Variants in PODXL2 observed in about 807,000 individuals in gnomAD.
PODXL2 encodes podocalyxin-like protein 2.
A neutral mutation model predicts 53.4 loss-of-function variants in PODXL2; 17 were observed. That is an observed-to-expected ratio of 0.32 (90% CI 0.22 to 0.48). The LOEUF is 0.48. Among genes scored for constraint, PODXL2 ranks in the 20% least tolerant of loss-of-function variants. The pLI is 0.99. For synonymous variants in PODXL2, 311 were observed against 306.7 expected, an observed-to-expected ratio of 1.01 and a Z score of -0.15; for missense variants, 673 against 760.0, an observed-to-expected ratio of 0.89 and a Z score of 1.35.
intron 6 of PODXL2, among the ~76,000 whole-genome samples, chr3:127,669,900 ACTT>A (rs1385192956): frequency 4.0e-5 from 6 of 151,792 alleles, no homozygotes; most frequent in Non-Finnish European, 1.5e-5. Context: ...TCCTCATCTC[ACTT>A]CTTGAGGACA....
intron 7 of PODXL2, 104 bp from the exon 8 acceptor site, chr3:127,672,164 G>T (rs951507180): frequency 3.8e-6 from 3 of 792,018 alleles, no homozygotes; most frequent in African/African-American, 3.5e-5. Flanking sequence ...ACCTGTGGAG[G>T]GTGCCGCGGG....
At chr3:127,644,125 G>A (rs2074638233) in intron 2 of PODXL2, among the ~76,000 whole-genome samples, 1 of 151,766 alleles carries the variant, frequency 6.6e-6, no homozygotes, top group Non-Finnish European at 1.5e-5. Context: ...TGCTGTTGTT[G>A]TTTTGAGATG....
At chr3:127,639,755 G>A (rs551166039) in intron 2 of PODXL2, among the ~76,000 whole-genome samples, 3 of 152,292 alleles carry the variant, frequency 2.0e-5, no homozygotes, top group African/African-American at 7.2e-5. Context: ...CCTTTATTCT[G>A]TGCTCATTTA....
In PODXL2 at chr3:127,668,325, CCT is replaced by C. The variant is rs554880369; in HGVS notation, c.1207-111_1207-110del. 5.6e-4 allele frequency: 525 copies of C among 939,702 alleles called. 3 individuals carry two copies. The African/African-American group carries it at 8.4e-3, about 15-fold the overall frequency. The allele number at this position is 939,702 out of a possible 1,614,324, so 58.2% of individuals were successfully genotyped here. Reference sequence around the variant, plus strand: ...GGGTCTCCAGAGTTGACCAGAGCTGCCTCTCTTGGAACAGCCAGAGGGTTGAG... The same window carrying C: ...GGGTCTCCAGAGTTGACCAGAGCTGCCTCTTGGAACAGCCAGAGGGTTGAG... On this transcript the variant is annotated intron_variant, in intron 4 of 7. Coordinates refer to ENST00000342480, the MANE Select transcript of PODXL2 (RefSeq NM_015720.4).
intron 1 of PODXL2, among the ~76,000 whole-genome samples, chr3:127,630,082 T>C (rs770243023): frequency 1.1e-4 from 17 of 152,040 alleles, no homozygotes; most frequent in Non-Finnish European, 2.4e-4. Flanking sequence ...ACGGGCCTCC[T>C]GATGGCTTCC....
intron 1 of PODXL2, among the ~76,000 whole-genome samples, chr3:127,634,112 T>G (rs2074563547): frequency 6.6e-6 from 1 of 151,904 alleles, no homozygotes. Flanking sequence ...GATAGAATGA[T>G]AGAACCAGAT....
chr3:127,648,458 T>C (rs749390084), intron 2 of PODXL2, among the ~76,000 whole-genome samples: 4 of 152,228 alleles, frequency 2.6e-5, no homozygotes, highest in Non-Finnish European at 5.9e-5. Context: ...AGAGCACTTT[T>C]ACTTAGACAC....
At chr3:127,632,901 G>A (rs2074555653) in intron 1 of PODXL2, among the ~76,000 whole-genome samples, 1 of 152,176 alleles carries the variant, frequency 6.6e-6, no homozygotes, top group African/African-American at 2.4e-5. Flanking sequence ...TCTAATAAGA[G>A]CACAGCCCAC....
intron 4 of PODXL2, among the ~76,000 whole-genome samples, chr3:127,667,660 T>A (rs1040974150): frequency 6.6e-6 from 1 of 152,204 alleles, no homozygotes; most frequent in Non-Finnish European, 1.5e-5. Context: ...CAGGCTCTTA[T>A]TTTTGTTTTA....
intron 1 of PODXL2, among the ~76,000 whole-genome samples, chr3:127,635,017 T>C (rs547552963): frequency 9.9e-5 from 15 of 152,270 alleles, no homozygotes; most frequent in Non-Finnish European, 1.6e-4. Context: ...TCTATGTTTC[T>C]GTATCGTCTC....
chr3:127,672,766 C>G lies in PODXL2; in HGVS notation c.*286C>G. 1 of 379,254 alleles carries G rather than the reference C, an allele frequency of 2.6e-6. No individual in the cohort carries two copies. Among genetic ancestry groups the G allele is most frequent in the East Asian group, 4.4e-5 (1 of 22,700 alleles). 23.5% of individuals were successfully genotyped at this position (379,254 alleles called of 1,614,324 possible). A position where few individuals can be genotyped will look rare whatever the true frequency, so the allele number is the denominator to read the frequency against. On this transcript the variant is annotated 3_prime_UTR_variant, in exon 8 of 8. Coordinates refer to ENST00000342480, the MANE Select transcript of PODXL2 (RefSeq NM_015720.4). ...GCGGCGCTTCCTGCGCCCCGGGACT[C>G]AATTAAACCCGCCCGGAGACCACGC...
chr3:127,654,346 G>A (rs190673906), intron 2 of PODXL2, among the ~76,000 whole-genome samples: 2 of 152,248 alleles, frequency 1.3e-5, no homozygotes, highest in African/African-American at 4.8e-5. Flanking sequence ...GAATCGTACC[G>A]TGGTTCTGCT....
At chr3:127,644,429 TA>T (rs1256033185) in intron 2 of PODXL2, among the ~76,000 whole-genome samples, 1 of 152,212 alleles carries the variant, frequency 6.6e-6, no homozygotes, top group Non-Finnish European at 1.5e-5. Context: ...AACAAACTTT[TA>T]CATTGTACCA....
chr3:127,651,000 C>T lies in PODXL2; in HGVS notation c.350-9378C>T, dbSNP rs183263234. Among the ~76,000 whole-genome samples, 51 of 152,288 alleles carry T rather than the reference C, an allele frequency of 3.3e-4. 2 individuals are homozygous for T. The East Asian group carries it at 4.7e-3, about 14-fold the overall frequency. On this transcript the variant is annotated intron_variant, in intron 2 of 7. Transcript: ENST00000342480. ...TGTGGTGAGGCTGGGTGCGATGGCT[C>T]ACACCCGTAATCCCAACGCTTCGGG...
At chr3:127,633,644 A>G (rs915244074) in intron 1 of PODXL2, among the ~76,000 whole-genome samples, 2 of 152,196 alleles carry the variant, frequency 1.3e-5, no homozygotes, top group African/African-American at 4.8e-5. Context: ...TGTCCCCATC[A>G]TGTGTAAAAG....
chr3:127,634,687 T>C (rs2074566752), intron 1 of PODXL2, among the ~76,000 whole-genome samples: 1 of 152,034 alleles, frequency 6.6e-6, no homozygotes, highest in South Asian at 2.1e-4. Context: ...GAACGCGCCA[T>C]TGCACTCCAG....
At chr3:127,645,825 G>C (rs1450585306) in intron 2 of PODXL2, among the ~76,000 whole-genome samples, 1 of 152,344 alleles carries the variant, frequency 6.6e-6, no homozygotes, top group East Asian at 1.9e-4. Context: ...ATTCTTGTCT[G>C]CTCTTGTGCC....
Position 127,672,572 on chromosome 3 carries a change from T to C in PODXL2, c.*92T>C. 1.2e-6 allele frequency: 1 copy of C among 823,282 alleles called. No homozygotes were observed. 51.0% of individuals were successfully genotyped at this position (823,282 alleles called of 1,614,324 possible). On this transcript the variant is annotated 3_prime_UTR_variant, in exon 8 of 8. Coordinates refer to ENST00000342480, the MANE Select transcript of PODXL2 (RefSeq NM_015720.4). The stretch of plus-strand genomic sequence containing the variant: ...CCGGAGCCCGCACCAGCCCCGCGCC[T>C]ACCCGGGCCGCCCCCGCGGCCTGGC...
chr3:127,667,500 C>T (rs956277272), intron 4 of PODXL2, among the ~76,000 whole-genome samples: 2 of 152,172 alleles, frequency 1.3e-5, no homozygotes, highest in Non-Finnish European at 2.9e-5. Context: ...TGGGGAGGAG[C>T]CGGAGTGAGG....
Sources: allele counts gnomAD v4.1 joint callset (sites outside exome capture counted in the v4.1 genomes callset), GRCh38; gene constraint gnomAD v4.1.1; transcripts MANE v1.5; gene names NCBI Gene and HGNC (gene_info 2026-07-23, HGNC 2026-07-21).